ADAM32: variants seen among roughly 807,000 people sequenced by gnomAD.
ADAM32 encodes disintegrin and metalloproteinase domain-containing protein 32.
Under a neutral mutation model 114.9 loss-of-function variants are expected in ADAM32, and 89 were observed. The observed-to-expected ratio is 0.77, with a 90% CI of 0.65 to 0.92. The LOEUF is 0.92. ADAM32 is among the 40% of genes least tolerant of loss of function. The pLI is 0.00. For synonymous variants in ADAM32, 285 were observed against 307.5 expected, an observed-to-expected ratio of 0.93 and a Z score of 0.77; for missense variants, 870 against 932.8, an observed-to-expected ratio of 0.93 and a Z score of 0.88.
intron 2 of ADAM32, among the ~76,000 whole-genome samples, chr8:39,129,117 T>C (rs930119586): frequency 1.6e-4 from 15 of 94,680 alleles, no homozygotes; most frequent in African/African-American, 6.1e-4. Flanking sequence ...GTTCTCGTTT[T>C]TTTTTGTCTT....
At chr8:39,126,152 G>C (rs984537695) in intron 2 of ADAM32, among the ~76,000 whole-genome samples, 2 of 151,900 alleles carry the variant, frequency 1.3e-5, no homozygotes, top group African/African-American at 4.8e-5. Flanking sequence ...TGGGCTCTTT[G>C]GGCTCTTTTT....
In ADAM32 at chr8:39,274,369, G is replaced by C; in HGVS notation, c.2240+19G>C. 6.2e-7 allele frequency: 1 copy of C among 1,607,370 alleles called. No homozygotes were observed. Among genetic ancestry groups the C allele is most frequent in the Non-Finnish European group, 8.5e-7 (1 of 1,176,062 alleles). On this transcript the variant is annotated intron_variant, in intron 21 of 24. Coordinates refer to ENST00000379907, the MANE Select transcript of ADAM32 (RefSeq NM_145004.7). The stretch of plus-strand genomic sequence containing the variant: ...CCAGCCAGTAAGTAGGTTAGAAGAG[G>C]TTTTTAAGATACATGTTGAAAATTA...
chr8:39,134,423 A>T (rs1802656904), intron 2 of ADAM32, among the ~76,000 whole-genome samples: 1 of 152,012 alleles, frequency 6.6e-6, no homozygotes. Context: ...CTTCTTCCCT[A>T]CAATGGGGAC....
chr8:39,142,144 C>A (rs1265347488), intron 3 of ADAM32, among the ~76,000 whole-genome samples: 1 of 152,182 alleles, frequency 6.6e-6, no homozygotes, highest in Non-Finnish European at 1.5e-5. Flanking sequence ...TGGGTCTTGA[C>A]TCTTTAAATC....
rs540684876 is a variant in ADAM32 at position 39,118,545 on chromosome 8, G to A, written c.138+380G>A. On this transcript the variant is annotated intron_variant, in intron 2 of 24. Transcript: ENST00000379907. ...CCCCTACACCTAGCAATTCTCAGAC[G>A]AGAAGAAACATTTCATTCTACTATT... Among the ~76,000 whole-genome samples the A allele has an allele frequency of 2.3e-4, 35 of 152,108 alleles. 1 individual carries two copies. Among genetic ancestry groups the A allele is most frequent in the South Asian group, 1.5e-3 (7 of 4,814 alleles).
chr8:39,140,601 G>T (rs1211522203), intron 3 of ADAM32, among the ~76,000 whole-genome samples: 1 of 152,090 alleles, frequency 6.6e-6, no homozygotes, highest in Non-Finnish European at 1.5e-5. Flanking sequence ...CAGGGATATT[G>T]GCCTAAAATT....
intron 6 of ADAM32, among the ~76,000 whole-genome samples, 159 bp from the exon 7 acceptor site, chr8:39,160,738 C>A (rs940566681): frequency 1.3e-5 from 2 of 151,972 alleles, no homozygotes; most frequent in African/African-American, 4.8e-5. Context: ...GAGTACATTG[C>A]CATAAAACTT....
At chr8:39,164,991 A>T (rs764407985) in intron 8 of ADAM32, 39 bp from the exon 9 acceptor site, 4 of 1,543,972 alleles carry the variant, frequency 2.6e-6, no homozygotes, top group Non-Finnish European at 8.8e-7. Context: ...AGATAACATA[A>T]ATATTAATTA....
chr8:39,271,823 G>GGCTA, intron 20 of ADAM32, among the ~76,000 whole-genome samples: 1 of 152,184 alleles, frequency 6.6e-6, no homozygotes, highest in South Asian at 2.1e-4. Context: ...CACTGAAAGA[G>GGCTA]AATATGGAGT....
At position 39,204,230 on chromosome 8, in the gene ADAM32, C is replaced by A. The variant is rs534571041; in HGVS notation, c.1053-6914C>A. 3.9e-5 allele frequency among the ~76,000 whole-genome samples: 6 copies of A among 152,324 alleles called. No individual in the cohort carries two copies. In the East Asian group the frequency reaches 1.2e-3, roughly 29 times the overall value. ...TGGATAATATCCTGCACAGTGTTTTCCAACTTGGTTCCATTCTCACCATCA... is the reference window on the plus strand; with the variant it reads ...TGGATAATATCCTGCACAGTGTTTTACAACTTGGTTCCATTCTCACCATCA... On this transcript the variant is annotated intron_variant, in intron 11 of 24. Transcript: ENST00000379907.
At chr8:39,235,643 G>C (rs994149084) in intron 16 of ADAM32, among the ~76,000 whole-genome samples, 1 of 151,918 alleles carries the variant, frequency 6.6e-6, no homozygotes, top group South Asian at 2.1e-4. Flanking sequence ...AATTTTACTG[G>C]GTAGTTTTTA....
At position 39,223,092 on chromosome 8, in the gene ADAM32, T is replaced by A; in HGVS notation, c.1379T>A (p.Ile460Asn). The A allele has an allele frequency of 6.3e-7, 1 of 1,592,018 alleles. No individual in the cohort carries two copies. Among genetic ancestry groups the A allele is most frequent in the Non-Finnish European group, 8.5e-7 (1 of 1,170,062 alleles). ...CRPKAHPECDIAENCNGTSPE... is the reference protein window; with the variant it reads ...CRPKAHPECDNAENCNGTSPE... ...CCGAAAGCACATCCTGAATGTGACA[T>A]CGCTGAAAATTGTAATGGAACCTCA... The change falls in exon 14 of 25, where the codon ATC (isoleucine) becomes AAC (asparagine). Residue 460 changes from isoleucine to asparagine, a missense_variant. Transcript: ENST00000379907.
intron 19 of ADAM32, among the ~76,000 whole-genome samples, chr8:39,267,468 T>A (rs1812439382): frequency 6.6e-6 from 1 of 152,218 alleles, no homozygotes; most frequent in South Asian, 2.1e-4. Flanking sequence ...ATACCTTAAT[T>A]TTTTTAAATC....
intron 15 of ADAM32, 35 bp from the exon 16 acceptor site, chr8:39,233,864 T>C (rs762410373): frequency 7.9e-7 from 1 of 1,258,390 alleles, no homozygotes; most frequent in Non-Finnish European, 1.0e-6. Context: ...AAATTCCTAA[T>C]GTATAATAAT....
chr8:39,191,310 C>G (rs933737685), intron 11 of ADAM32, among the ~76,000 whole-genome samples: 2 of 152,146 alleles, frequency 1.3e-5, no homozygotes, highest in Admixed American at 1.3e-4. Flanking sequence ...CTATTTTTAG[C>G]TTTTTGAGGA....
At chr8:39,217,986 G>A (rs1179003979) in intron 12 of ADAM32, among the ~76,000 whole-genome samples, 1 of 152,126 alleles carries the variant, frequency 6.6e-6, no homozygotes, top group Non-Finnish European at 1.5e-5. Context: ...TTGCCATCTA[G>A]GCTTATTTGT....
At chr8:39,124,367 A>G (rs1401572085) in intron 2 of ADAM32, among the ~76,000 whole-genome samples, 4 of 150,994 alleles carry the variant, frequency 2.6e-5, no homozygotes. Context: ...GTTCCTTTTT[A>G]TGACTGCATA....
intron 11 of ADAM32, among the ~76,000 whole-genome samples, chr8:39,192,407 C>G (rs10448062): frequency 0.25 from 37,484 of 152,048 alleles, 5,000 homozygotes; most frequent in Non-Finnish European, 0.29. Flanking sequence ...CTATGGATGT[C>G]ATTGTATGTG....
chr8:39,136,553 G>A (rs1802815817), intron 2 of ADAM32, 104 bp from the exon 3 acceptor site: 1 of 670,552 alleles, frequency 1.5e-6, no homozygotes, highest in African/African-American at 1.9e-5. Context: ...GAAATGTAAT[G>A]AAGATGTTTT....
Sources: gnomAD v4.1 joint callset for allele counts (sites outside exome capture counted in the v4.1 genomes callset) on GRCh38, gnomAD v4.1.1 for gene constraint, MANE v1.5 for transcripts, NCBI Gene and HGNC (gene_info 2026-07-23, HGNC 2026-07-21) for gene names.